Variants in NKAIN3 observed in about 807,000 individuals in gnomAD.
The protein encoded by NKAIN3 is sodium/potassium-transporting ATPase subunit beta-1-interacting protein 3.
In NKAIN3, 25 loss-of-function variants were observed where a neutral mutation model predicts 30.2. The ratio of observed to expected loss-of-function variants is 0.83; its 90% CI spans 0.60 to 1.16. NKAIN3 has a LOEUF of 1.16. Among genes scored for constraint, NKAIN3 ranks in the 50% most tolerant of loss-of-function variants. The pLI, the probability that NKAIN3 is intolerant of heterozygous loss-of-function variation, is 0.00. For synonymous variants in NKAIN3, 91 were observed against 89.6 expected (o/e 1.02, Z -0.09); for missense variants, 225 against 254.1 (o/e 0.89, Z 0.78).
chr8:62,885,695 G>GT (rs1821126635), intron 4 of NKAIN3, among the ~76,000 whole-genome samples: 1 of 152,118 alleles, frequency 6.6e-6, no homozygotes, highest in Admixed American at 6.5e-5. Flanking sequence ...GGATTATTAT[G>GT]TTTTCCTGGG....
intron 5 of NKAIN3, among the ~76,000 whole-genome samples, chr8:62,933,419 A>C (rs1334204481): frequency 7.9e-6 from 1 of 126,050 alleles, no homozygotes; most frequent in Non-Finnish European, 1.8e-5. Context: ...ACACTTAAAT[A>C]AGAATGATTA....
At chr8:62,624,731 G>A (rs2127581) in intron 3 of NKAIN3, among the ~76,000 whole-genome samples, 1,846 of 148,892 alleles carry the variant, frequency 0.012, 40 homozygotes, top group East Asian at 0.059. Flanking sequence ...TGGTGTGCTC[G>A]TTATGCAAAT....
rs55873861 is a variant in NKAIN3 at position 62,763,221 on chromosome 8, C to CAAAAAAAAAAAA, written c.471+16121_471+16132dup. The stretch of plus-strand genomic sequence containing the variant: ...GGGCAACAAGTGCGAGACTCCGTCT[C>CAAAAAAAAAAAA]AAAAAAAAAAAAAAAAAAAAAAAAA... On this transcript the variant is annotated intron_variant, in intron 4 of 6. Transcript: ENST00000623646. Among the ~76,000 whole-genome samples the CAAAAAAAAAAAA allele has an allele frequency of 2.3e-4, 11 of 47,188 alleles. 1 individual carries two copies. The highest frequency in any genetic ancestry group is 2.4e-4 in the African/African-American group (4 of 16,644). 31.0% of individuals were successfully genotyped at this position (47,188 alleles called of 152,430 possible).
chr8:62,341,383 G>T (rs1464931911), intron 1 of NKAIN3, among the ~76,000 whole-genome samples: 1 of 152,060 alleles, frequency 6.6e-6, no homozygotes. Flanking sequence ...AGTTAGTCTA[G>T]ATGAAATTCA....
intron 1 of NKAIN3, among the ~76,000 whole-genome samples, chr8:62,453,858 C>G (rs1423420525): frequency 6.6e-6 from 1 of 151,944 alleles, no homozygotes; most frequent in African/African-American, 2.4e-5. Flanking sequence ...AGACCAATAA[C>G]AAGTTCTGAA....
rs1481401316 is a variant in NKAIN3, at chr8:62,802,996, C to CA, written c.471+55869dup. 2.6e-3 allele frequency among the ~76,000 whole-genome samples: 388 copies of CA among 152,112 alleles called. 2 individuals are homozygous for CA. Among genetic ancestry groups the CA allele is most frequent in the African/African-American group, 8.5e-3 (354 of 41,496 alleles). On this transcript the variant is annotated intron_variant, in intron 4 of 6. Coordinates refer to ENST00000623646, the MANE Select transcript of NKAIN3 (RefSeq NM_001304533.3). ...TCTGATAAAACAGACTTTAAACCAA[C>CA]AAGATCAAAAGAGACAAAGAAGGCC... is the stretch of plus-strand genomic sequence containing the variant.
chr8:62,476,706 C>G (rs1184471609), intron 1 of NKAIN3, among the ~76,000 whole-genome samples: 5 of 152,154 alleles, frequency 3.3e-5, no homozygotes, highest in Admixed American at 2.6e-4. Context: ...CCTCCCGCCT[C>G]TGCCTCCCAA....
At chr8:62,566,280 C>G (rs937208119) in intron 1 of NKAIN3, among the ~76,000 whole-genome samples, 4 of 152,028 alleles carry the variant, frequency 2.6e-5, no homozygotes, top group Non-Finnish European at 5.9e-5. Context: ...ATTCTGTGTT[C>G]CTTTGGCTCT....
intron 4 of NKAIN3, among the ~76,000 whole-genome samples, chr8:62,781,713 C>A (rs1208496015): frequency 6.6e-6 from 1 of 151,684 alleles, no homozygotes; most frequent in Non-Finnish European, 1.5e-5. Context: ...AACTAGATAG[C>A]CATATGCAGA....
intron 4 of NKAIN3, among the ~76,000 whole-genome samples, chr8:62,806,277 C>G (rs1245596916): frequency 6.6e-6 from 1 of 152,128 alleles, no homozygotes. Context: ...CTAGAAATAC[C>G]ATTTGACCCA....
chr8:62,415,732 A>G (rs1259007395), intron 1 of NKAIN3, among the ~76,000 whole-genome samples: 2 of 149,762 alleles, frequency 1.3e-5, no homozygotes, highest in Admixed American at 6.7e-5. Context: ...ATGATTCATT[A>G]TAATAATTTT....
chr8:62,678,519 A>G (rs1813549356), intron 3 of NKAIN3, among the ~76,000 whole-genome samples: 1 of 152,150 alleles, frequency 6.6e-6, no homozygotes, highest in South Asian at 2.1e-4. Context: ...AGCTTCTTAG[A>G]TCATTACAAT....
chr8:62,674,818 T>G (rs534990062), intron 3 of NKAIN3, among the ~76,000 whole-genome samples: 2 of 152,168 alleles, frequency 1.3e-5, no homozygotes, highest in South Asian at 4.1e-4. Flanking sequence ...TCCTTTAAAA[T>G]TGTTACCTAC....
At chr8:62,726,294 G>A (rs1815256031) in intron 3 of NKAIN3, among the ~76,000 whole-genome samples, 1 of 151,052 alleles carries the variant, frequency 6.6e-6, no homozygotes, top group Non-Finnish European at 1.5e-5. Context: ...TTACCAATTT[G>A]GATGTCCTTT....
intron 1 of NKAIN3, among the ~76,000 whole-genome samples, chr8:62,514,142 T>C (rs554091368): frequency 2.6e-5 from 4 of 152,264 alleles, no homozygotes; most frequent in African/African-American, 9.6e-5. Context: ...CTTACTCTCA[T>C]TGTTTGAAAA....
At chr8:62,568,518 A>G (rs572161689) in intron 1 of NKAIN3, among the ~76,000 whole-genome samples, 23 of 152,316 alleles carry the variant, frequency 1.5e-4, no homozygotes, top group African/African-American at 4.8e-4. Flanking sequence ...AGAAAAACAA[A>G]AGACTTTCCT....
intron 1 of NKAIN3, among the ~76,000 whole-genome samples, chr8:62,527,917 GAC>G (rs1491560306): frequency 1.5e-4 from 22 of 145,760 alleles, no homozygotes; most frequent in African/African-American, 5.2e-4. Flanking sequence ...GTGTGTGTGT[GAC>G]AGAGAGACAG....
intron 1 of NKAIN3, among the ~76,000 whole-genome samples, chr8:62,556,614 T>C (rs1319781210): frequency 6.6e-6 from 1 of 151,856 alleles, no homozygotes; most frequent in Non-Finnish European, 1.5e-5. Context: ...GAAAAAGTGG[T>C]ATTAATCAAA....
chr8:62,976,026 G>A lies in NKAIN3; in HGVS notation c.*10619G>A, dbSNP rs1823933406. ...GTTTCTTAATCCTGAGTTCTAACTT[G>A]ATTGCACTGTGGTCTGAGAGACTGT... On this transcript the variant is annotated 3_prime_UTR_variant, in exon 7 of 7. Transcript: ENST00000623646. Among the ~76,000 whole-genome samples the A allele has an allele frequency of 6.6e-6, 1 of 150,802 alleles. No homozygotes were observed. The highest frequency in any genetic ancestry group is 1.5e-5 in the Non-Finnish European group (1 of 67,688).
Sources: gnomAD v4.1 joint callset for allele counts (sites outside exome capture counted in the v4.1 genomes callset) on GRCh38, gnomAD v4.1.1 for gene constraint, MANE v1.5 for transcripts, NCBI Gene and HGNC (gene_info 2026-07-23, HGNC 2026-07-21) for gene names.